The following PDE1C variants were observed in gnomAD, a reference collection of about 807,000 sequenced individuals.
PDE1C encodes phosphodiesterase 1C.
In PDE1C, 62 loss-of-function variants were observed where a neutral mutation model predicts 93.1. That is an observed-to-expected ratio of 0.67 (90% CI 0.54 to 0.82). The LOEUF is 0.82. Among genes scored for constraint, PDE1C ranks in the 40% least tolerant of loss-of-function variants. The pLI, the probability that PDE1C is intolerant of heterozygous loss-of-function variation, is 0.00. For synonymous variants in PDE1C, 325 were observed against 310.1 expected (o/e 1.05, Z -0.50); for missense variants, 742 against 884.6 (o/e 0.84, Z 2.04).
chr7:32,247,664 G>C (rs766029429), intron 1 of PDE1C, among the ~76,000 whole-genome samples: 3 of 152,120 alleles, frequency 2.0e-5, no homozygotes, highest in Non-Finnish European at 4.4e-5. Context: ...CTCACTTTTA[G>C]TACAGTATTC....
At chr7:32,316,611 C>A (rs574951517) in intron 1 of PDE1C, among the ~76,000 whole-genome samples, 31 of 152,172 alleles carry the variant, frequency 2.0e-4, no homozygotes, top group African/African-American at 6.3e-4. Context: ...GTGGGGAAAG[C>A]ACAAAGTCTC....
chr7:31,883,221 G>T lies in PDE1C; in HGVS notation c.129-2361C>A, dbSNP rs1797460402. On this transcript the variant is annotated intron_variant, in intron 2 of 17. Transcript: ENST00000396191. ...GAAGCCAATAAATACATTCTCAGGT[G>T]TCAACAACTTCAAAATTTATCATTC... is the stretch of plus-strand genomic sequence containing the variant. Among the ~76,000 whole-genome samples, 2 of 152,142 alleles carry T rather than the reference G, an allele frequency of 1.3e-5. 1 individual carries two copies. Among genetic ancestry groups the T allele is most frequent in the East Asian group, 3.9e-4 (2 of 5,190 alleles).
chr7:32,203,893 C>T lies in PDE1C; in HGVS notation c.136+5596G>A, dbSNP rs143544503. Among the ~76,000 whole-genome samples, 368 of 152,298 alleles carry T rather than the reference C, an allele frequency of 2.4e-3. 2 individuals are homozygous for T. Among genetic ancestry groups the T allele is most frequent in the African/African-American group, 8.5e-3 (355 of 41,564 alleles). ...GTTTCACAGATAGAAAATTCGCTCT[C>T]CCTGTGGATCTCAGCAACCTTGGCA... On this transcript the variant is annotated intron_variant, in intron 2 of 18. Coordinates refer to the PDE1C transcript ENST00000396193.
intron 9 of PDE1C, among the ~76,000 whole-genome samples, chr7:31,838,517 T>C (rs1384810014): frequency 5.3e-5 from 8 of 152,156 alleles, no homozygotes; most frequent in Admixed American, 3.3e-4. Context: ...GAATCAATAT[T>C]GATACATTAT....
chr7:31,965,211 A>AG (rs1226024301), intron 2 of PDE1C, among the ~76,000 whole-genome samples: 1 of 152,112 alleles, frequency 6.6e-6, no homozygotes, highest in African/African-American at 2.4e-5. Flanking sequence ...AAACCTTGAA[A>AG]AAAAATTAGA....
chr7:32,364,550 A>G (rs1018560529), intron 1 of PDE1C, among the ~76,000 whole-genome samples: 1 of 152,202 alleles, frequency 6.6e-6, no homozygotes, highest in East Asian at 1.9e-4. Flanking sequence ...GCAAACACCT[A>G]CAGCCCTTAC....
chr7:32,273,126 C>T (rs1167150067), intron 1 of PDE1C, among the ~76,000 whole-genome samples: 3 of 152,044 alleles, frequency 2.0e-5, no homozygotes, highest in African/African-American at 4.8e-5. Context: ...AGGGCATACC[C>T]GGGAGGTGAC....
At chr7:31,739,092 C>A in the PDE1C span, among the ~76,000 whole-genome samples, 2 of 149,294 alleles carry the variant, frequency 1.3e-5, no homozygotes, top group Non-Finnish European at 3.0e-5. Flanking sequence ...AAATCCTTGA[C>A]TTCCTTCTGC....
At chr7:31,728,790 G>A in the PDE1C span, among the ~76,000 whole-genome samples, 1 of 152,158 alleles carries the variant, frequency 6.6e-6, no homozygotes, top group Non-Finnish European at 1.5e-5. Context: ...AGTCTTAGAG[G>A]AACTCACAGA....
intron 3 of PDE1C, among the ~76,000 whole-genome samples, chr7:32,077,095 C>G (rs985156927): frequency 2.0e-5 from 3 of 152,080 alleles, no homozygotes; most frequent in Non-Finnish European, 4.4e-5. Context: ...CAAAAAGTAG[C>G]CAGGCGTGGT....
chr7:31,743,927 G>C, the PDE1C span, among the ~76,000 whole-genome samples: 1 of 152,050 alleles, frequency 6.6e-6, no homozygotes, highest in South Asian at 2.1e-4. Flanking sequence ...GCTCAAGTGG[G>C]CACTCCAGGC....
intron 1 of PDE1C, among the ~76,000 whole-genome samples, chr7:32,065,818 C>G (rs1262756093): frequency 6.6e-6 from 1 of 152,208 alleles, no homozygotes; most frequent in Admixed American, 6.5e-5. Context: ...CACTTAACTT[C>G]TCTGTACATC....
intron 1 of PDE1C, among the ~76,000 whole-genome samples, chr7:32,294,032 G>A (rs891228141): frequency 4.6e-5 from 7 of 152,040 alleles, no homozygotes; most frequent in African/African-American, 1.7e-4. Flanking sequence ...CACCCCCAGT[G>A]TATGCAGCCA....
intron 1 of PDE1C, among the ~76,000 whole-genome samples, chr7:32,056,044 C>G (rs1391741497): frequency 6.6e-6 from 1 of 151,940 alleles, no homozygotes. Flanking sequence ...GTTTCTAAAA[C>G]TTAATTTAAA....
chr7:32,216,321 C>T (rs953529740), intron 1 of PDE1C, among the ~76,000 whole-genome samples: 5 of 152,156 alleles, frequency 3.3e-5, no homozygotes, highest in East Asian at 3.9e-4. Context: ...GTTTAATCCT[C>T]GCTACAGCAC....
chr7:32,255,636 CA>C (rs1371597482), intron 1 of PDE1C, among the ~76,000 whole-genome samples: 2 of 152,074 alleles, frequency 1.3e-5, no homozygotes, highest in Admixed American at 6.6e-5. Flanking sequence ...GTCCTGCATG[CA>C]AGGAAACAAA....
chr7:31,947,641 T>G (rs767652371), intron 2 of PDE1C, among the ~76,000 whole-genome samples: 3 of 152,200 alleles, frequency 2.0e-5, no homozygotes, highest in Non-Finnish European at 2.9e-5. Flanking sequence ...GTGAACTTCA[T>G]GTATGTACAG....
At chr7:32,112,836 GTGTGTGTGTGTATATATATATATATATA>G (rs1252583448) in intron 3 of PDE1C, among the ~76,000 whole-genome samples, 60 of 57,728 alleles carry the variant, frequency 1.0e-3, no homozygotes, top group African/African-American at 5.4e-3. Flanking sequence ...GTGTGTGTGT[GTGTGTGTGTGTATATATATATATATATA>G]TATATATATC....
intron 1 of PDE1C, among the ~76,000 whole-genome samples, chr7:32,230,154 C>T (rs534597265): frequency 3.9e-5 from 6 of 152,172 alleles, no homozygotes; most frequent in Non-Finnish European, 8.8e-5. Context: ...AGGCAATCGT[C>T]ATCCACCTTG....
Sources: gnomAD v4.1 joint callset for allele counts (sites outside exome capture counted in the v4.1 genomes callset) on GRCh38, gnomAD v4.1.1 for gene constraint, MANE v1.5 for transcripts, NCBI Gene and HGNC (gene_info 2026-07-23, HGNC 2026-07-21) for gene names.